The following ESRRB variants were observed in gnomAD, a reference collection of about 807,000 sequenced individuals.
ESRRB encodes the protein steroid hormone receptor ERR2.
In ESRRB, 16 loss-of-function variants were observed where a neutral mutation model predicts 46.0. That is an observed-to-expected ratio of 0.35 (90% confidence interval 0.24 to 0.53). The LOEUF is 0.53. ESRRB is among the 20% of genes least tolerant of loss of function. The pLI, the probability that ESRRB is intolerant of heterozygous loss-of-function variation, is 0.93. For synonymous variants in ESRRB, 246 were observed against 259.6 expected (o/e 0.95, Z 0.50); for missense variants, 488 against 607.4 (o/e 0.80, Z 2.07).
intron 1 of ESRRB, among the ~76,000 whole-genome samples, chr14:76,424,306 C>T (rs1009847624): frequency 1.6e-4 from 24 of 152,172 alleles, no homozygotes; most frequent in Admixed American, 1.6e-3. Context: ...TCTTTGTCAT[C>T]TGCCCAGGCT....
At chr14:76,375,521 T>A (rs1266818398), upstream of ESRRB, among the ~76,000 whole-genome samples, 1 of 152,182 alleles carries the variant, frequency 6.6e-6, no homozygotes, top group Admixed American at 6.5e-5. Flanking sequence ...ACTTCATACA[T>A]TGAGAGAACG....
chr14:76,487,812 C>T (rs1566613858), intron 5 of ESRRB, among the ~76,000 whole-genome samples: 3 of 152,126 alleles, frequency 2.0e-5, no homozygotes, highest in Non-Finnish European at 4.4e-5. Context: ...CCATGTTGCC[C>T]AGGCTGGCAT....
intron 1 of ESRRB, among the ~76,000 whole-genome samples, chr14:76,398,408 CT>C (rs1191529552): frequency 1.3e-5 from 2 of 152,222 alleles, no homozygotes; most frequent in African/African-American, 4.8e-5. Flanking sequence ...ATCTCTCTCT[CT>C]GTTGGAAACT....
intron 1 of ESRRB, among the ~76,000 whole-genome samples, chr14:76,329,271 A>G (rs78861216): frequency 0.065 from 9,943 of 152,072 alleles, 474 homozygotes; most frequent in South Asian, 0.16. Flanking sequence ...AATCGAGTCA[A>G]TCTCAGGTTT....
intron 1 of ESRRB, among the ~76,000 whole-genome samples, chr14:76,383,894 T>A (rs576537446): frequency 6.6e-6 from 1 of 152,290 alleles, no homozygotes; most frequent in South Asian, 2.1e-4. Context: ...TCAGGTGGTC[T>A]GTTTGTTATC....
At chr14:76,398,171 G>T (rs1050348423) in intron 1 of ESRRB, among the ~76,000 whole-genome samples, 4 of 152,166 alleles carry the variant, frequency 2.6e-5, no homozygotes, top group Non-Finnish European at 4.4e-5. Context: ...ACAGTGTATC[G>T]TGCATTACCC....
intron 1 of ESRRB, among the ~76,000 whole-genome samples, chr14:76,417,803 C>T (rs866673516): frequency 6.6e-6 from 1 of 151,910 alleles, no homozygotes; most frequent in African/African-American, 2.4e-5. Context: ...CCCAGAGGCC[C>T]GAGGCATCAC....
intron 1 of ESRRB, among the ~76,000 whole-genome samples, chr14:76,330,729 T>C (rs1326687577): frequency 2.0e-5 from 3 of 152,208 alleles, no homozygotes; most frequent in Admixed American, 1.3e-4. Flanking sequence ...GCAAGGGCGC[T>C]GTCCCTGGTG....
At chr14:76,377,637 C>T (rs1293685719) in intron 1 of ESRRB, among the ~76,000 whole-genome samples, 2 of 152,144 alleles carry the variant, frequency 1.3e-5, no homozygotes, top group Non-Finnish European at 2.9e-5. Context: ...CCAGTTCCAC[C>T]GTGCTTTCAT....
At chr14:76,494,054 C>T (rs569509090) in intron 6 of ESRRB, among the ~76,000 whole-genome samples, 1 of 152,292 alleles carries the variant, frequency 6.6e-6, no homozygotes, top group East Asian at 1.9e-4. Flanking sequence ...TGAACACATG[C>T]CCCCCGTAAA....
chr14:76,325,754 T>C (rs1199317570), intron 1 of ESRRB, among the ~76,000 whole-genome samples: 1 of 152,220 alleles, frequency 6.6e-6, no homozygotes, highest in Non-Finnish European at 1.5e-5. Context: ...AGGGCTTGGA[T>C]ACCTAATTCT....
upstream of ESRRB, among the ~76,000 whole-genome samples, chr14:76,368,126 C>CTTTTTTT (rs751709764): frequency 1.6e-5 from 2 of 124,228 alleles, no homozygotes; most frequent in Admixed American, 8.6e-5. Flanking sequence ...CTAATTTTTC[C>CTTTTTTT]TTTTTTTTTT....
chr14:76,486,834 C>A (rs1206869368), intron 5 of ESRRB, among the ~76,000 whole-genome samples: 1 of 152,166 alleles, frequency 6.6e-6, no homozygotes, highest in Non-Finnish European at 1.5e-5. Flanking sequence ...TCCCGGTAGC[C>A]TCTTCAGGGG....
At chr14:76,325,197 C>T (rs1048075515) in intron 1 of ESRRB, among the ~76,000 whole-genome samples, 2 of 152,080 alleles carry the variant, frequency 1.3e-5, no homozygotes, top group Admixed American at 6.5e-5. Flanking sequence ...CTCAGGTGAT[C>T]CGCCCACCTT....
At chr14:76,490,754 G>C (rs1432434895) in intron 5 of ESRRB, among the ~76,000 whole-genome samples, 1 of 152,166 alleles carries the variant, frequency 6.6e-6, no homozygotes, top group Non-Finnish European at 1.5e-5. Flanking sequence ...CAAGCTCCCG[G>C]AACAGGCCTG....
intron 2 of ESRRB, among the ~76,000 whole-genome samples, chr14:76,458,461 CACACACACAA>C (rs1375098029): frequency 1.3e-5 from 1 of 76,528 alleles, no homozygotes; most frequent in Non-Finnish European, 2.7e-5. Flanking sequence ...CACACACACA[CACACACACAA>C]ACACACACAC....
intron 6 of ESRRB, among the ~76,000 whole-genome samples, chr14:76,492,709 CAGG>C: frequency 6.6e-6 from 1 of 152,290 alleles, no homozygotes; most frequent in South Asian, 2.1e-4. Context: ...TTCTTGAACA[CAGG>C]AGGATAAAAC....
At position 76,332,743 on chromosome 14, in the gene ESRRB, TTTATATATTATATATA is replaced by T. The variant is rs1243984751; in HGVS notation, c.2+21828_2+21843del. ...ATTATATATATTTATATATTATATA[TTTATATATTATATATA>T]AATATATAATATATATTATATATTA... is the stretch of plus-strand genomic sequence containing the variant. On this transcript the variant is annotated intron_variant, in intron 1 of 6. Coordinates refer to the ESRRB transcript ENST00000512784. 4.1e-3 allele frequency among the ~76,000 whole-genome samples: 72 copies of T among 17,574 alleles called. 1 individual carries two copies. The highest frequency in any genetic ancestry group is 0.016 in the East Asian group (3 of 186). The allele number at this position is 17,574 out of a possible 152,430, so 11.5% of individuals were successfully genotyped here. A position where few individuals can be genotyped will look rare whatever the true frequency, so the allele number is the denominator to read the frequency against.
At chr14:76,474,000 G>A (rs1261111566) in intron 3 of ESRRB, among the ~76,000 whole-genome samples, 1 of 152,252 alleles carries the variant, frequency 6.6e-6, no homozygotes, top group African/African-American at 2.4e-5. Flanking sequence ...GGCCGGTGGA[G>A]GTGGGAGCAG....
Sources: allele counts gnomAD v4.1 joint callset (sites outside exome capture counted in the v4.1 genomes callset), GRCh38; gene constraint gnomAD v4.1.1; transcripts MANE v1.5; gene names NCBI Gene and HGNC (gene_info 2026-07-23, HGNC 2026-07-21).